The following GPATCH2 variants were observed in gnomAD, a reference collection of about 807,000 sequenced individuals.
GPATCH2 encodes G-patch domain containing 2.
GPATCH2 carries 51 observed loss-of-function variants against 58.0 expected under a neutral mutation model. The ratio of observed to expected loss-of-function variants is 0.88; its 90% confidence interval spans 0.70 to 1.11. GPATCH2 has a LOEUF of 1.11. Among genes scored for constraint, GPATCH2 ranks in the 50% most tolerant of loss-of-function variants. The pLI is 0.00. For synonymous variants in GPATCH2, 222 were observed against 218.5 expected (o/e 1.02, Z -0.14); for missense variants, 625 against 652.2 (o/e 0.96, Z 0.45).
At chr1:217,436,249 T>A (rs1285795128) in intron 9 of GPATCH2, among the ~76,000 whole-genome samples, 1 of 152,218 alleles carries the variant, frequency 6.6e-6, no homozygotes, top group Non-Finnish European at 1.5e-5. Context: ...GGAATGTTTA[T>A]CTGCTACAAT....
At chr1:217,449,154 C>T (rs1454049170) in intron 9 of GPATCH2, 95 bp downstream of exon 9, 14 of 749,198 alleles carry the variant, frequency 1.9e-5, no homozygotes, top group African/African-American at 3.5e-5. Flanking sequence ...TGTGCTTCTT[C>T]TTCATTGCAA....
At chr1:217,571,829 A>G (rs1666568741) in intron 5 of GPATCH2, among the ~76,000 whole-genome samples, 1 of 151,844 alleles carries the variant, frequency 6.6e-6, no homozygotes, top group Admixed American at 6.6e-5. Flanking sequence ...GGAGGTCAAG[A>G]GATGGAGGTT....
intron 1 of GPATCH2, among the ~76,000 whole-genome samples, chr1:217,628,512 A>C (rs1669568940): frequency 6.6e-6 from 1 of 152,046 alleles, no homozygotes; most frequent in Non-Finnish European, 1.5e-5. Flanking sequence ...CAAGACTAAC[A>C]AACTCCAAAA....
At chr1:217,445,530 CCTT>C (rs1191030165) in intron 9 of GPATCH2, among the ~76,000 whole-genome samples, 7 of 152,032 alleles carry the variant, frequency 4.6e-5, no homozygotes, top group Admixed American at 3.3e-4. Flanking sequence ...TGCTGGCAAA[CCTT>C]CTTGCTTCGA....
intron 6 of GPATCH2, chr1:217,498,803 A>G (rs1273325287): frequency 2.2e-5 from 6 of 273,870 alleles, no homozygotes; most frequent in African/African-American, 9.3e-5. Flanking sequence ...AAATACAACA[A>G]TATTACATTA....
At chr1:217,542,357 A>AC (rs1664790060) in intron 5 of GPATCH2, among the ~76,000 whole-genome samples, 1 of 152,072 alleles carries the variant, frequency 6.6e-6, no homozygotes, top group African/African-American at 2.4e-5. Context: ...CATTCACAGC[A>AC]CCCCATGCTA....
At chr1:217,611,385 C>T (rs1004591672) in intron 3 of GPATCH2, among the ~76,000 whole-genome samples, 2 of 131,968 alleles carry the variant, frequency 1.5e-5, no homozygotes, top group East Asian at 3.9e-4. Flanking sequence ...TTTTATACCA[C>T]AGCTTCACTT....
intron 1 of GPATCH2, among the ~76,000 whole-genome samples, chr1:217,624,069 TAAC>T (rs955769521): frequency 1.4e-4 from 22 of 152,148 alleles, no homozygotes; most frequent in Non-Finnish European, 3.1e-4. Flanking sequence ...AATACAGACT[TAAC>T]AAGTCCTACT....
intron 5 of GPATCH2, among the ~76,000 whole-genome samples, chr1:217,539,774 G>A (rs1664644216): frequency 6.6e-6 from 1 of 152,202 alleles, no homozygotes; most frequent in African/African-American, 2.4e-5. Context: ...TATGTACTTA[G>A]GGAATGTTTT....
intron 8 of GPATCH2, among the ~76,000 whole-genome samples, chr1:217,458,713 T>C (rs2102484433): frequency 6.6e-6 from 1 of 152,334 alleles, no homozygotes; most frequent in Non-Finnish European, 1.5e-5. Context: ...AAAATTTTTC[T>C]GTTTCCTAAT....
chr1:217,607,789 A>G (rs1668432388), intron 5 of GPATCH2, among the ~76,000 whole-genome samples: 1 of 152,188 alleles, frequency 6.6e-6, no homozygotes, highest in African/African-American at 2.4e-5. Flanking sequence ...CCCCCAAAAA[A>G]TGTTTACATT....
At chr1:217,554,299 C>T (rs1196906643) in intron 5 of GPATCH2, among the ~76,000 whole-genome samples, 1 of 152,196 alleles carries the variant, frequency 6.6e-6, no homozygotes, top group Admixed American at 6.5e-5. Flanking sequence ...CCACCTGCTT[C>T]TGGAAATTAT....
chr1:217,552,393 A>G lies in GPATCH2; in HGVS notation c.1099-37504T>C, dbSNP rs181452668. 3.3e-5 allele frequency among the ~76,000 whole-genome samples: 5 copies of G among 152,240 alleles called. No homozygotes were observed. In the East Asian group the frequency reaches 9.6e-4, roughly 29 times the overall value. ...TATAATTTAATTTAATAAGTTACCT[A>G]GTTAAAGGGGTATGTGGCCTAATAC... On this transcript the variant is annotated intron_variant, in intron 5 of 9. Transcript: ENST00000366935.
At chr1:217,458,147 G>A (rs527263170) in intron 8 of GPATCH2, among the ~76,000 whole-genome samples, 5 of 152,232 alleles carry the variant, frequency 3.3e-5, no homozygotes, top group African/African-American at 9.6e-5. Context: ...GGAGAATGGC[G>A]TGAACCCGGG....
intron 5 of GPATCH2, among the ~76,000 whole-genome samples, chr1:217,538,443 A>T (rs2990535): frequency 0.88 from 133,265 of 152,290 alleles, 58,601 homozygotes; most frequent in African/African-American, 0.96. Flanking sequence ...GTTTATAGAA[A>T]CCTTAATAGT....
chr1:217,439,671 G>A (rs1480585584), intron 9 of GPATCH2, among the ~76,000 whole-genome samples: 1 of 152,100 alleles, frequency 6.6e-6, no homozygotes, highest in Non-Finnish European at 1.5e-5. Context: ...AATAAAAAAT[G>A]ATAAAGGGGA....
chr1:217,473,429 C>A (rs549091830), intron 8 of GPATCH2, among the ~76,000 whole-genome samples: 172 of 151,802 alleles, frequency 1.1e-3, no homozygotes, highest in African/African-American at 4.0e-3. Context: ...AAAAAAATAA[C>A]AACTGAATAT....
intron 8 of GPATCH2, among the ~76,000 whole-genome samples, chr1:217,451,761 A>C (rs1659675496): frequency 6.6e-6 from 1 of 152,208 alleles, no homozygotes; most frequent in Non-Finnish European, 1.5e-5. Context: ...ACCATTCTGA[A>C]AACAGGGAAT....
At chr1:217,600,124 C>T (rs931224821) in intron 5 of GPATCH2, among the ~76,000 whole-genome samples, 1 of 152,016 alleles carries the variant, frequency 6.6e-6, no homozygotes, top group African/African-American at 2.4e-5. Flanking sequence ...ATATGAAGTT[C>T]TAAGAGGAAG....
Sources: allele counts gnomAD v4.1 joint callset (sites outside exome capture counted in the v4.1 genomes callset), GRCh38; gene constraint gnomAD v4.1.1; transcripts MANE v1.5; gene names NCBI Gene and HGNC (gene_info 2026-07-23, HGNC 2026-07-21).